Variants in CADPS observed in about 807,000 individuals in gnomAD.
The protein encoded by CADPS is calcium-dependent secretion activator 1.
A neutral mutation model predicts 167.3 loss-of-function variants in CADPS; 57 were observed. The observed-to-expected ratio is 0.34, with a 90% CI of 0.28 to 0.42. CADPS has a LOEUF of 0.42. Ranked by LOEUF, CADPS falls within the 20% of genes least tolerant of loss-of-function variation. CADPS has a pLI of 1.00. For synonymous variants in CADPS, 676 were observed against 635.3 expected (o/e 1.06, Z -0.96); for missense variants, 1,414 against 1,738.1 (o/e 0.81, Z 3.32).
intron 13 of CADPS, among the ~76,000 whole-genome samples, chr3:62,525,105 T>C (rs1054737118): frequency 2.0e-5 from 3 of 152,160 alleles, no homozygotes; most frequent in African/African-American, 7.2e-5. Flanking sequence ...AGACACATTG[T>C]TGGAATTTTA....
chr3:62,660,458 G>A (rs1197010793), intron 4 of CADPS, among the ~76,000 whole-genome samples: 2 of 152,118 alleles, frequency 1.3e-5, no homozygotes, highest in African/African-American at 4.8e-5. Flanking sequence ...ATCCATAAGC[G>A]CATACTATTT....
Position 62,840,522 on chromosome 3 carries a change from C to G in CADPS, c.441+34067G>C, listed in dbSNP as rs544316753. On this transcript the variant is annotated intron_variant, in intron 1 of 29. Transcript: ENST00000383710. ...TATGTCTATTTTTGAGGACTCTTTTCCAGAAGACAAAATGTTGTGTATATT... is the reference window on the plus strand; with the variant it reads ...TATGTCTATTTTTGAGGACTCTTTTGCAGAAGACAAAATGTTGTGTATATT... Among the ~76,000 whole-genome samples, 48 of 151,984 alleles carry G rather than the reference C, an allele frequency of 3.2e-4. 1 individual carries two copies. The South Asian group carries it at 9.8e-3, about 31-fold the overall frequency.
At chr3:62,839,611 C>T (rs1022590061) in intron 1 of CADPS, among the ~76,000 whole-genome samples, 1 of 152,124 alleles carries the variant, frequency 6.6e-6, no homozygotes, top group Non-Finnish European at 1.5e-5. Flanking sequence ...TAAGACTCAC[C>T]TGTAGGGTTT....
chr3:62,487,556 AT>A, intron 21 of CADPS, among the ~76,000 whole-genome samples: 1 of 152,326 alleles, frequency 6.6e-6, no homozygotes, highest in Non-Finnish European at 1.5e-5. Context: ...AAGAGATGAC[AT>A]TGTCCACCAA....
chr3:62,713,525 C>G (rs9849251), intron 3 of CADPS, among the ~76,000 whole-genome samples: 2 of 152,076 alleles, frequency 1.3e-5, no homozygotes, highest in African/African-American at 4.8e-5. Context: ...TTATTTGGCA[C>G]GTAATTAAAA....
In CADPS at chr3:62,748,168, CAAAAAAA is replaced by C. The variant is rs139568165; in HGVS notation, c.888+5266_888+5272del. 8.1e-4 allele frequency among the ~76,000 whole-genome samples: 51 copies of C among 63,188 alleles called. No individual in the cohort carries two copies. In the East Asian group the frequency reaches 0.01, roughly 13 times the overall value. 41.5% of individuals were successfully genotyped at this position (63,188 alleles called of 152,430 possible). The stretch of plus-strand genomic sequence containing the variant: ...TGAAACCCCGTCTCTACTAAAATTA[CAAAAAAA>C]AAAAAAAAAAAAAAAAAAAAATTAG... On this transcript the variant is annotated intron_variant, in intron 3 of 29. Coordinates refer to ENST00000383710, the MANE Select transcript of CADPS (RefSeq NM_003716.4).
chr3:62,571,862 C>T (rs1003145071), intron 8 of CADPS, among the ~76,000 whole-genome samples: 2 of 152,128 alleles, frequency 1.3e-5, no homozygotes, highest in South Asian at 2.1e-4. Flanking sequence ...CCGTGCCTGG[C>T]GTAAGGTCAA....
At chr3:62,622,307 G>C (rs1352124828) in intron 6 of CADPS, among the ~76,000 whole-genome samples, 1 of 152,096 alleles carries the variant, frequency 6.6e-6, no homozygotes, top group Non-Finnish European at 1.5e-5. Flanking sequence ...GAATTTCTAC[G>C]ATGTCCGGGG....
At chr3:62,690,298 T>G (rs1411199448) in intron 3 of CADPS, among the ~76,000 whole-genome samples, 1 of 152,076 alleles carries the variant, frequency 6.6e-6, no homozygotes, top group Non-Finnish European at 1.5e-5. Context: ...GTTTTTCTTA[T>G]GACAGAGTAT....
intron 1 of CADPS, among the ~76,000 whole-genome samples, chr3:62,847,261 CTTTTTTTTTT>C (rs202175985): frequency 7.5e-6 from 1 of 133,068 alleles, no homozygotes. Flanking sequence ...GCAGCATTTT[CTTTTTTTTTT>C]TTTTTTTAAC....
Position 62,399,160 on chromosome 3 carries a change from C to T in CADPS, c.*246G>A. Reference sequence around the variant, plus strand: ...CCTAGTGGTTAGACTATGTATTCTCCATGAACAGTATTTAAAGAATGGTGC... The same window carrying T: ...CCTAGTGGTTAGACTATGTATTCTCTATGAACAGTATTTAAAGAATGGTGC... On this transcript the variant is annotated 3_prime_UTR_variant, in exon 30 of 30. Transcript: ENST00000383710. This position sits in a 1 kb window ranked among gnomAD's most constrained non-coding sequence, Gnocchi z 5.6. The T allele has an allele frequency of 2.3e-6, 1 of 441,822 alleles. No individual in the cohort carries two copies. Among genetic ancestry groups the T allele is most frequent in the Non-Finnish European group, 4.1e-6 (1 of 241,248 alleles). 27.4% of individuals were successfully genotyped at this position (441,822 alleles called of 1,614,324 possible).
At chr3:62,845,023 C>T (rs1208856083) in intron 1 of CADPS, among the ~76,000 whole-genome samples, 2 of 152,184 alleles carry the variant, frequency 1.3e-5, no homozygotes, top group African/African-American at 2.4e-5. Flanking sequence ...GTCACGGAAA[C>T]TCGTCATCAC....
intron 21 of CADPS, among the ~76,000 whole-genome samples, chr3:62,489,167 A>ATT (rs11456268): frequency 8.1e-5 from 12 of 148,230 alleles, no homozygotes; most frequent in African/African-American, 2.2e-4. Context: ...AACTTTTATT[A>ATT]TTTTTTTTTT....
intron 17 of CADPS, among the ~76,000 whole-genome samples, chr3:62,505,396 T>C (rs577655175): frequency 6.6e-6 from 1 of 152,202 alleles, no homozygotes; most frequent in South Asian, 2.1e-4. Context: ...AGGACTTAGG[T>C]GGTATAGCTT....
chr3:62,561,160 A>G (rs1280809056), intron 9 of CADPS, among the ~76,000 whole-genome samples: 2 of 149,768 alleles, frequency 1.3e-5, no homozygotes, highest in Admixed American at 1.3e-4. Context: ...GGGGTGGATT[A>G]GGCTGTAAAT....
intron 24 of CADPS, 196 bp from the exon 25 acceptor site, chr3:62,466,609 A>C (rs2059963176): frequency 1.6e-6 from 1 of 636,602 alleles, no homozygotes; most frequent in Non-Finnish European, 2.8e-6. Context: ...TAAAAATATT[A>C]CCAAGTTCAT....
At chr3:62,830,889 T>C (rs2074951449) in intron 1 of CADPS, among the ~76,000 whole-genome samples, 1 of 152,134 alleles carries the variant, frequency 6.6e-6, no homozygotes, top group African/African-American at 2.4e-5. Context: ...TCCTCACATA[T>C]CCTCATGCAA....
At chr3:62,624,651 G>C (rs2063727978) in intron 6 of CADPS, among the ~76,000 whole-genome samples, 1 of 152,044 alleles carries the variant, frequency 6.6e-6, no homozygotes, top group Non-Finnish European at 1.5e-5. Context: ...ACACAGATTT[G>C]CTTATCTTCT....
chr3:62,739,652 C>A (rs1295165354), intron 3 of CADPS, among the ~76,000 whole-genome samples: 2 of 152,302 alleles, frequency 1.3e-5, no homozygotes, highest in Non-Finnish European at 2.9e-5. Context: ...TAATGAGGAA[C>A]TCTACTTAGC....
Sources: allele counts gnomAD v4.1 joint callset (sites outside exome capture counted in the v4.1 genomes callset), GRCh38; gene constraint gnomAD v4.1.1; non-coding constraint Gnocchi (gnomAD v3.1); transcripts MANE v1.5; gene names NCBI Gene and HGNC (gene_info 2026-07-23, HGNC 2026-07-21).